The following SPTBN4 variants were observed in gnomAD, a reference collection of about 807,000 sequenced individuals.
SPTBN4 encodes spectrin beta, non-erythrocytic 4.
A neutral mutation model predicts 277.8 loss-of-function variants in SPTBN4; 96 were observed. That is an observed-to-expected ratio of 0.35 (90% CI 0.29 to 0.41). The LOEUF is 0.41. SPTBN4 is among the 10% of genes least tolerant of loss of function. The pLI is 1.00. For synonymous variants in SPTBN4, 1,481 were observed against 1,580.3 expected (o/e 0.94, Z 1.49); for missense variants, 3,006 against 3,595.7 (o/e 0.84, Z 4.19).
chr19:40,507,401 T>C (rs1018942126), intron 13 of SPTBN4, among the ~76,000 whole-genome samples: 3 of 150,506 alleles, frequency 2.0e-5, no homozygotes, highest in African/African-American at 2.4e-5. Flanking sequence ...GGCTCAAGGG[T>C]GCTTTTAGGA....
At chr19:40,496,678 C>T (rs1267859574) in intron 6 of SPTBN4, among the ~76,000 whole-genome samples, 1 of 152,172 alleles carries the variant, frequency 6.6e-6, no homozygotes, top group Non-Finnish European at 1.5e-5. Context: ...TATGACCAAG[C>T]TGGGGCTCAA....
In SPTBN4 at chr19:40,504,152, G is replaced by GT; in HGVS notation, c.1665+20_1665+21insT. 2.3e-5 allele frequency: 20 copies of GT among 877,142 alleles called. No homozygotes were observed. The highest frequency in any genetic ancestry group is 3.0e-5 in the Non-Finnish European group (17 of 566,440). The allele number at this position is 877,142 out of a possible 1,614,324, so 54.3% of individuals were successfully genotyped here. A position where few individuals can be genotyped will look rare whatever the true frequency, so the allele number is the denominator to read the frequency against. On this transcript the variant is annotated intron_variant, in intron 12 of 35. Transcript: ENST00000598249. ...ATGCAGGTGCCGGCGGGGGGGCGGGGATGCGGGTGGAGTGCCAGGAGGGAG... is the reference window on the plus strand; with the variant it reads ...ATGCAGGTGCCGGCGGGGGGGCGGGGTATGCGGGTGGAGTGCCAGGAGGGAG...
intron 19 of SPTBN4, among the ~76,000 whole-genome samples, chr19:40,533,016 T>G (rs2080695765): frequency 6.6e-6 from 1 of 152,214 alleles, no homozygotes; most frequent in Non-Finnish European, 1.5e-5. Context: ...ATCCTACTGT[T>G]TGTTAAATAT....
chr19:40,483,417 C>T (rs2080034543), intron 2 of SPTBN4, among the ~76,000 whole-genome samples: 1 of 152,012 alleles, frequency 6.6e-6, no homozygotes, highest in Admixed American at 6.6e-5. Flanking sequence ...GCTATGTACC[C>T]ACTAAAATTA....
intron 21 of SPTBN4, 35 bp from the exon 22 acceptor site, chr19:40,550,203 T>C: frequency 6.3e-7 from 1 of 1,591,950 alleles, no homozygotes; most frequent in Non-Finnish European, 8.6e-7. Context: ...CTTGGATGCA[T>C]TCTCCCCTTG....
At position 40,540,725 on chromosome 19, in the gene SPTBN4, G is replaced by C. The variant is rs948108321; in HGVS notation, c.4359+6382G>C. Among the ~76,000 whole-genome samples the C allele has an allele frequency of 1.1e-4, 17 of 148,558 alleles. 1 individual carries two copies. The South Asian group carries it at 1.3e-3, about 11-fold the overall frequency. On this transcript the variant is annotated intron_variant, in intron 20 of 35. Transcript: ENST00000598249. The stretch of plus-strand genomic sequence containing the variant: ...GCTACTCAGAAGGCTGAAGTGGGAG[G>C]ATCACTTGAGCCCAGGAGGTTGAAG...
At chr19:40,492,322 C>G (rs1051986268) in intron 4 of SPTBN4, among the ~76,000 whole-genome samples, 1 of 151,940 alleles carries the variant, frequency 6.6e-6, no homozygotes, top group South Asian at 2.1e-4. Context: ...TGAGGAACAC[C>G]CTGAGGCCAG....
chr19:40,520,057 T>G lies in SPTBN4; in HGVS notation c.3560T>G (p.Leu1187Trp), dbSNP rs1431683701. 1.3e-6 allele frequency: 2 copies of G among 1,538,432 alleles called. No individual in the cohort carries two copies. The highest frequency in any genetic ancestry group is 1.4e-5 in the African/African-American group (1 of 70,008). The part of the protein sequence containing the change: ...LELGWHKLLG[L>W]WEARREALVQ... ...CTTGGCTGGCATAAACTGCTCGGCT[T>G]GTGGGAGGCGCGCAGGGAGGCGCTG... The change falls in exon 16 of 36, where the codon TTG becomes TGG. Residue 1187 changes from leucine to tryptophan, a missense_variant. Coordinates refer to ENST00000598249, the MANE Select transcript of SPTBN4 (RefSeq NM_020971.3).
At chr19:40,550,733 G>A (rs1162496813) in intron 22 of SPTBN4, among the ~76,000 whole-genome samples, 1 of 152,038 alleles carries the variant, frequency 6.6e-6, no homozygotes, top group African/African-American at 2.4e-5. Context: ...TGGCCAGGCT[G>A]GGCTCGAACT....
chr19:40,484,962 AAAAAAC>A (rs2080055176), intron 2 of SPTBN4, among the ~76,000 whole-genome samples: 1 of 151,394 alleles, frequency 6.6e-6, no homozygotes, highest in Non-Finnish European at 1.5e-5. Context: ...ACCAAAAAAC[AAAAAAC>A]AAAAAAACCA....
In SPTBN4 at chr19:40,497,612, T is replaced by C. The variant is rs988678246; in HGVS notation, c.784+8T>C. ...GGCTGCTGGATCCTGAAGGTGAGCC[T>C]CTCGCGGGCCCAGCCCAGACTTCGT... On this transcript the variant is annotated splice_region_variant and intron_variant, in intron 7 of 35. Coordinates refer to ENST00000598249, the MANE Select transcript of SPTBN4 (RefSeq NM_020971.3). 2 of 1,611,614 alleles carry C rather than the reference T, an allele frequency of 1.2e-6. No homozygotes were observed.
At chr19:40,488,495 G>C (rs2080098450) in intron 3 of SPTBN4, among the ~76,000 whole-genome samples, 1 of 152,112 alleles carries the variant, frequency 6.6e-6, no homozygotes, top group Admixed American at 6.5e-5. Context: ...CATGGCTATG[G>C]AATAGGAACA....
At chr19:40,495,133 C>T (rs879891204) in intron 6 of SPTBN4, among the ~76,000 whole-genome samples, 156 bp downstream of exon 6, 30 of 152,310 alleles carry the variant, frequency 2.0e-4, no homozygotes, top group African/African-American at 7.0e-4. Context: ...TCCCTTCACA[C>T]ACATGCCCTG....
At chr19:40,504,211 A>C in intron 12 of SPTBN4, 79 bp downstream of exon 12, 1 of 1,443,144 alleles carries the variant, frequency 6.9e-7, no homozygotes, top group East Asian at 2.3e-5. Flanking sequence ...GTTGTCAGAC[A>C]GCTGGAGATG....
Position 40,566,248 on chromosome 19 carries a change from G to A in SPTBN4, c.6225G>A (p.Glu2075=). The A allele has an allele frequency of 1.9e-6, 3 of 1,568,106 alleles. No individual in the cohort carries two copies. Among genetic ancestry groups the A allele is most frequent in the Non-Finnish European group, 2.6e-6 (3 of 1,156,310 alleles). ...AGGAGCCGCTCCTGCAGAGCCGGGA[G>A]CTGGGCAGCAGCGTGGATGAGGTGG... is the stretch of plus-strand genomic sequence containing the variant. ...TAQEPLLQSR[E]LGSSVDEVEQ... Residue 2075 remains glutamate (E), a synonymous_variant, in exon 30 of 36, where the codon GAG becomes GAA. Transcript: ENST00000598249.
chr19:40,570,418 C>T lies in SPTBN4; in HGVS notation c.7027-18C>T, dbSNP rs752975409. On this transcript the variant is annotated intron_variant, in intron 32 of 35. Coordinates refer to ENST00000598249, the MANE Select transcript of SPTBN4 (RefSeq NM_020971.3). ...CCTCTCCATGGACAGCACCCCTCTT[C>T]CCCCTCCCTTCACACAGCCGTCGCT... 94 of 1,545,070 alleles carry T rather than the reference C, an allele frequency of 6.1e-5. No homozygotes were observed. The highest frequency in any genetic ancestry group is 7.6e-5 in the Non-Finnish European group (88 of 1,152,462).
chr19:40,529,532 C>G lies in SPTBN4; in HGVS notation c.3948+401C>G, dbSNP rs890317991. ...CGGCCCTGCGCCCTCCTGCAGCCAG[C>G]GATGGCTCTGAACCAAGCCCTCGCC... On this transcript the variant is annotated intron_variant, in intron 18 of 35. Transcript: ENST00000598249. Among the ~76,000 whole-genome samples the G allele has an allele frequency of 5.9e-5, 9 of 152,186 alleles. No individual in the cohort carries two copies. In the East Asian group the frequency reaches 1.5e-3, roughly 26 times the overall value.
Position 40,549,433 on chromosome 19 carries a change from C to T in SPTBN4, c.4584+20C>T. ...GAGCTGGTGAGGCCAGCGCAGGGGC[C>T]TGGGGCGGGGCGGGGCGGGGCGGTG... On this transcript the variant is annotated intron_variant, in intron 21 of 35. Coordinates refer to ENST00000598249, the MANE Select transcript of SPTBN4 (RefSeq NM_020971.3). The T allele has an allele frequency of 6.0e-5, 4 of 66,232 alleles. No homozygotes were observed. The highest frequency in any genetic ancestry group is 7.0e-5 in the Non-Finnish European group (3 of 42,636). 4.1% of individuals were successfully genotyped at this position (66,232 alleles called of 1,614,324 possible).
rs186271859 is a variant in SPTBN4, at chr19:40,510,011, C to A, written c.1817-2595C>A. Among the ~76,000 whole-genome samples, 17 of 152,218 alleles carry A rather than the reference C, an allele frequency of 1.1e-4. No individual in the cohort carries two copies. The East Asian group carries it at 3.3e-3, about 29-fold the overall frequency. ...CCTTGTGAATTCTCGGCTCCTGTGACAATCAGCAGCTCCGAGAATACAGCA... is the reference window on the plus strand; with the variant it reads ...CCTTGTGAATTCTCGGCTCCTGTGAAAATCAGCAGCTCCGAGAATACAGCA... On this transcript the variant is annotated intron_variant, in intron 13 of 35. Transcript: ENST00000598249.
Sources: allele counts gnomAD v4.1 joint callset (sites outside exome capture counted in the v4.1 genomes callset), GRCh38; gene constraint gnomAD v4.1.1; transcripts MANE v1.5; gene names NCBI Gene and HGNC (gene_info 2026-07-23, HGNC 2026-07-21).